Variants in TCF4 observed in about 807,000 individuals in gnomAD.
TCF4 encodes SL3-3 enhancer factor 2.
In TCF4, 3 loss-of-function variants were observed where a neutral mutation model predicts 82.1. That is an observed-to-expected ratio of 0.04 (90% confidence interval 0.02 to 0.09). The LOEUF (loss-of-function observed/expected upper bound fraction) is 0.09, where lower values mean the gene tolerates loss of function less well. Ranked by LOEUF, TCF4 falls within the 10% of genes least tolerant of loss-of-function variation. The pLI is 1.00. For synonymous variants in TCF4, 276 were observed against 309.6 expected (o/e 0.89, Z 1.14); for missense variants, 518 against 852.7 (o/e 0.61, Z 4.89).
At chr18:55,510,139 T>G (rs1433890747) in intron 3 of TCF4, among the ~76,000 whole-genome samples, 1 of 152,110 alleles carries the variant, frequency 6.6e-6, no homozygotes, top group African/African-American at 2.4e-5. Context: ...ACTTACTGAG[T>G]AAGACTGACA....
chr18:55,474,322 T>C (rs1192882194), intron 3 of TCF4, among the ~76,000 whole-genome samples: 1 of 152,186 alleles, frequency 6.6e-6, no homozygotes, highest in African/African-American at 2.4e-5. Context: ...AATGAAAGTT[T>C]TAGTAAAGCA....
At chr18:55,444,809 A>G (rs1317899834) in intron 5 of TCF4, among the ~76,000 whole-genome samples, 1 of 152,182 alleles carries the variant, frequency 6.6e-6, no homozygotes, top group East Asian at 1.9e-4. Flanking sequence ...CCAAAACTGA[A>G]CTGACCACCT....
At chr18:55,322,816 G>A (rs1006197886) in intron 8 of TCF4, among the ~76,000 whole-genome samples, 1 of 152,192 alleles carries the variant, frequency 6.6e-6, no homozygotes, top group African/African-American at 2.4e-5. Flanking sequence ...CAAGTTTATT[G>A]GTACCTTCGA....
At chr18:55,494,110 T>A (rs2096604579) in intron 3 of TCF4, among the ~76,000 whole-genome samples, 1 of 151,174 alleles carries the variant, frequency 6.6e-6, no homozygotes, top group African/African-American at 2.4e-5. Context: ...GACAGCTAGA[T>A]TTTTACTTCT....
chr18:55,614,376 T>G, intron 2 of TCF4, among the ~76,000 whole-genome samples: 1 of 152,346 alleles, frequency 6.6e-6, no homozygotes, highest in East Asian at 1.9e-4. Flanking sequence ...AAATTCCCAC[T>G]GGCAGTATAA....
intron 5 of TCF4, among the ~76,000 whole-genome samples, chr18:55,439,777 T>C (rs1366498816): frequency 6.6e-6 from 1 of 152,218 alleles, no homozygotes; most frequent in East Asian, 1.9e-4. Context: ...GGCAAGAGTA[T>C]AACGGCATGA....
intron 13 of TCF4, among the ~76,000 whole-genome samples, chr18:55,258,150 T>G (rs1395072463): frequency 1.3e-5 from 2 of 152,190 alleles, no homozygotes; most frequent in Non-Finnish European, 2.9e-5. Flanking sequence ...GTTAGCACTT[T>G]TAAAATCCAC....
intron 3 of TCF4, among the ~76,000 whole-genome samples, chr18:55,559,932 T>C (rs1329361821): frequency 6.6e-6 from 1 of 152,118 alleles, no homozygotes; most frequent in East Asian, 1.9e-4. Context: ...GAGTATAAAG[T>C]GCACATGTGG....
chr18:55,577,798 T>C (rs1201393069), intron 3 of TCF4, among the ~76,000 whole-genome samples: 3 of 152,130 alleles, frequency 2.0e-5, no homozygotes, highest in Non-Finnish European at 4.4e-5. Flanking sequence ...TAATGGGGCT[T>C]TGTCACCACC....
At position 55,334,110 on chromosome 18, in the gene TCF4, T is replaced by A. The variant is rs184663016; in HGVS notation, c.549+16249A>T. ...ATTTCATTTTCTATGCAGTAACTAG[T>A]GTTATTTGCATTCCATAAATGAAAT... is the stretch of plus-strand genomic sequence containing the variant. On this transcript the variant is annotated intron_variant, in intron 8 of 19. Transcript: ENST00000354452. Among the ~76,000 whole-genome samples the A allele has an allele frequency of 1.2e-3, 185 of 152,278 alleles. 1 individual carries two copies. The highest frequency in any genetic ancestry group is 0.01 in the Middle Eastern group (3 of 294).
intron 5 of TCF4, chr18:55,422,440 A>G (rs907685920): frequency 1.0e-6 from 1 of 984,526 alleles, no homozygotes; most frequent in African/African-American, 1.7e-5. Context: ...TATTAAAAAA[A>G]AAGTTTGCCA....
intron 11 of TCF4, chr18:55,268,284 T>C (rs936105056): frequency 2.6e-5 from 4 of 152,122 alleles, no homozygotes; most frequent in Non-Finnish European, 5.9e-5. Context: ...TGACCGGTCA[T>C]CCTTCTTTAT....
chr18:55,456,760 T>A (rs2095763645), intron 5 of TCF4, among the ~76,000 whole-genome samples: 1 of 152,056 alleles, frequency 6.6e-6, no homozygotes, highest in African/African-American at 2.4e-5. Flanking sequence ...CTCAAACTAT[T>A]CCATAGCATA....
At chr18:55,266,089 A>C (rs1386015042) in intron 11 of TCF4, 5 of 152,110 alleles carry the variant, frequency 3.3e-5, no homozygotes, top group African/African-American at 1.2e-4. Flanking sequence ...CAATGGGGAG[A>C]CGACGCATTC....
chr18:55,426,118 T>TATATAC (rs1377856275), intron 5 of TCF4, among the ~76,000 whole-genome samples: 12 of 145,158 alleles, frequency 8.3e-5, no homozygotes, highest in Non-Finnish European at 1.7e-4. Context: ...TATATATATA[T>TATATAC]ACACACACAC....
At chr18:55,379,968 G>A (rs2091598539) in intron 6 of TCF4, among the ~76,000 whole-genome samples, 1 of 152,074 alleles carries the variant, frequency 6.6e-6, no homozygotes, top group Non-Finnish European at 1.5e-5. Context: ...CGACTTTCCG[G>A]GCTCAGCTGA....
chr18:55,459,175 CA>C (rs1239128593), intron 5 of TCF4, among the ~76,000 whole-genome samples: 2 of 152,118 alleles, frequency 1.3e-5, no homozygotes, highest in Non-Finnish European at 2.9e-5. Flanking sequence ...GATAAAAGAG[CA>C]AAGCTGACAT....
intron 3 of TCF4, among the ~76,000 whole-genome samples, chr18:55,491,161 T>C (rs1270365826): frequency 2.0e-5 from 3 of 152,186 alleles, no homozygotes; most frequent in Non-Finnish European, 4.4e-5. Flanking sequence ...CTTCACCACA[T>C]GCCTCTATGC....
In TCF4 at chr18:55,621,879, AATATATACATTATATATT is replaced by A. The variant is rs1568501614; in HGVS notation, c.286+9401_286+9418del. Among the ~76,000 whole-genome samples the A allele has an allele frequency of 4.9e-3, 529 of 107,562 alleles. 2 individuals are homozygous for A. Among genetic ancestry groups the A allele is most frequent in the Non-Finnish European group, 7.0e-3 (414 of 59,374 alleles). 70.6% of individuals were successfully genotyped at this position (107,562 alleles called of 152,430 possible). On this transcript the variant is annotated intron_variant, in intron 2 of 20. Coordinates refer to the TCF4 transcript ENST00000398339. Reference sequence around the variant, plus strand: ...ATTATATTATATATACACTATATATAATATATACATTATATATTATATATACACTATATATTATATATA... The same window carrying A: ...ATTATATTATATATACACTATATATAATATATACACTATATATTATATATA...
Sources: allele counts gnomAD v4.1 joint callset (sites outside exome capture counted in the v4.1 genomes callset), GRCh38; gene constraint gnomAD v4.1.1; transcripts MANE v1.5; gene names NCBI Gene and HGNC (gene_info 2026-07-23, HGNC 2026-07-21).